IGIP: variants seen among roughly 807,000 people sequenced by gnomAD.
IGIP encodes the protein IgA inducing protein.
IGIP carries 1 observed loss-of-function variant against 3.2 expected under a neutral mutation model. The ratio of observed to expected loss-of-function variants is 0.32; its 90% CI spans 0.11 to 1.50. The LOEUF (loss-of-function observed/expected upper bound fraction) is 1.50. IGIP is among the 40% of genes most tolerant of loss of function. The pLI is 0.39. For synonymous variants in IGIP, 20 were observed against 22.7 expected (o/e 0.88, Z 0.34); for missense variants, 64 against 69.0 (o/e 0.93, Z 0.26).
rs2429310 is a variant in IGIP, at chr5:140,129,120, G to A, written c.*482G>A. 0.22 allele frequency: 33,503 copies of A among 152,116 alleles called. 4,130 individuals are homozygous for A. Among genetic ancestry groups the A allele is most frequent in the African/African-American group, 0.33 (13,589 of 41,432 alleles). The allele number at this position is 152,116 out of a possible 1,614,324, so 9.4% of individuals were successfully genotyped here. ...CCTAGCCATCATGTTGAAGAGAAGG[G>A]AAACCTTTTCCCAAAGATCATGCTC... On this transcript the variant is annotated 3_prime_UTR_variant, in exon 1 of 1. Transcript: ENST00000333305.
At position 140,126,592 on chromosome 5, in the gene IGIP, A is replaced by G. The variant is rs1380171901; in HGVS notation, c.-1885A>G. 1 of 167,088 alleles carries G rather than the reference A, an allele frequency of 6.0e-6. No individual in the cohort carries two copies. Among genetic ancestry groups the G allele is most frequent in the Non-Finnish European group, 1.5e-5 (1 of 68,124 alleles). 10.4% of individuals were successfully genotyped at this position (167,088 alleles called of 1,614,324 possible). On this transcript the variant is annotated 5_prime_UTR_variant, in exon 1 of 1. Transcript: ENST00000333305. ...TCCAACTCCTCTAAGGTTCTGACAAAATAACCTTGGCTGATGTGGGAAGAC... is the reference window on the plus strand; with the variant it reads ...TCCAACTCCTCTAAGGTTCTGACAAGATAACCTTGGCTGATGTGGGAAGAC...
chr5:140,126,996 G>A lies in IGIP; in HGVS notation c.-1481G>A, dbSNP rs1703207411. The A allele has an allele frequency of 6.0e-6, 1 of 167,040 alleles. No homozygotes were observed. 10.3% of individuals were successfully genotyped at this position (167,040 alleles called of 1,614,324 possible). On this transcript the variant is annotated 5_prime_UTR_variant, in exon 1 of 1. Transcript: ENST00000333305. The stretch of plus-strand genomic sequence containing the variant: ...CAGAGCACACATCCTAATCGCTAGC[G>A]GTACTCAGAGAGGGGGTGCTAACTC...
At position 140,126,741 on chromosome 5, in the gene IGIP, C is replaced by T. The variant is rs1763218232; in HGVS notation, c.-1736C>T. 1 of 167,048 alleles carries T rather than the reference C, an allele frequency of 6.0e-6. No individual in the cohort carries two copies. The highest frequency in any genetic ancestry group is 2.1e-4 in the South Asian group (1 of 4,828). The allele number at this position is 167,048 out of a possible 1,614,324, so 10.3% of individuals were successfully genotyped here. A position where few individuals can be genotyped will look rare whatever the true frequency, so the allele number is the denominator to read the frequency against. ...TCAATCCCAGATACCTGTTGATTAC[C>T]TGTGAGATCTAGAGTCCAAAGTAGC... On this transcript the variant is annotated 5_prime_UTR_variant, in exon 1 of 1. Transcript: ENST00000333305.
chr5:140,128,569 A>C lies in IGIP; in HGVS notation c.93A>C (p.Lys31Asn), dbSNP rs75647802. Residue 31 changes from lysine (K) to asparagine (N), a missense_variant, in exon 1 of 1, where the codon AAA becomes AAC. Transcript: ENST00000333305. ...TGTTCTCCCATCTCAGTGCTGGGAA[A>C]TCACCATGTGGAAACCAAGCAAACG... is the stretch of plus-strand genomic sequence containing the variant. ...AVMFSHLSAG[K>N]SPCGNQANVL... 1.3e-3 allele frequency: 2,139 copies of C among 1,611,370 alleles called. 17 individuals carry two copies. In the African/African-American group the frequency reaches 0.021, roughly 16 times the overall value.
Position 140,128,626 on chromosome 5 carries a change from A to G in IGIP, c.150A>G (p.Gln50=), listed in dbSNP as rs188052223. ...VLCISRLEFV[Q]YQS ...GCATCAGCCGGCTTGAGTTTGTTCA[A>G]TATCAAAGCTGAAAACTAGCGAGGT... Residue 50 remains glutamine (Q), a synonymous_variant, in exon 1 of 1, where the codon CAA becomes CAG. Coordinates refer to ENST00000333305, the MANE Select transcript of IGIP (RefSeq NM_001007189.2). 32 of 1,610,632 alleles carry G rather than the reference A, an allele frequency of 2.0e-5. No homozygotes were observed. The highest frequency in any genetic ancestry group is 1.7e-4 in the Middle Eastern group (1 of 6,056).
rs2126754580 is a variant in IGIP at position 140,127,269 on chromosome 5, T to A, written c.-1208T>A. 6.0e-6 allele frequency: 1 copy of A among 167,306 alleles called. No individual in the cohort carries two copies. Among genetic ancestry groups the A allele is most frequent in the East Asian group, 1.9e-4 (1 of 5,192 alleles). 10.4% of individuals were successfully genotyped at this position (167,306 alleles called of 1,614,324 possible). On this transcript the variant is annotated 5_prime_UTR_variant, in exon 1 of 1. Transcript: ENST00000333305. ...GTCAGAGCACTGTGTGGTTGGAGGG[T>A]GGACTCTTGTGATGCTGTGGGGATG...
chr5:140,128,103 G>A lies in IGIP; in HGVS notation c.-374G>A, dbSNP rs2126754864. 5.2e-6 allele frequency: 1 copy of A among 192,540 alleles called. No individual in the cohort carries two copies. The highest frequency in any genetic ancestry group is 1.3e-4 in the South Asian group (1 of 7,872). The allele number at this position is 192,540 out of a possible 1,614,324, so 11.9% of individuals were successfully genotyped here. ...AATATACAGTTTGTATTTGTCTGCTGTGAATCATAATCTTGAAATTTCTAA... is the reference window on the plus strand; with the variant it reads ...AATATACAGTTTGTATTTGTCTGCTATGAATCATAATCTTGAAATTTCTAA... On this transcript the variant is annotated 5_prime_UTR_variant, in exon 1 of 1. The change creates a new upstream start codon in the 5' untranslated region. Transcript: ENST00000333305.
At position 140,128,875 on chromosome 5, in the gene IGIP, T is replaced by C. The variant is rs778774890; in HGVS notation, c.*237T>C. The C allele has an allele frequency of 4.7e-6, 2 of 430,046 alleles. No homozygotes were observed. Among genetic ancestry groups the C allele is most frequent in the Non-Finnish European group, 8.3e-6 (2 of 241,608 alleles). The allele number at this position is 430,046 out of a possible 1,614,324, so 26.6% of individuals were successfully genotyped here. On this transcript the variant is annotated 3_prime_UTR_variant, in exon 1 of 1. Transcript: ENST00000333305. ...GGGGTCTGGTTGCGATCTTGGATTT[T>C]TTTTTTTTTTGATAGGTGGAAACTT...
chr5:140,127,748 A>G lies in IGIP; in HGVS notation c.-729A>G, dbSNP rs1487011717. ...ATATTGTAAGATTGTAATACTGTCG[A>G]TATTTTATTAACCAACAAATGTTAA... On this transcript the variant is annotated 5_prime_UTR_variant, in exon 1 of 1. Transcript: ENST00000333305. The G allele has an allele frequency of 6.0e-6, 1 of 167,046 alleles. No individual in the cohort carries two copies. The highest frequency in any genetic ancestry group is 2.4e-5 in the African/African-American group (1 of 41,466). The allele number at this position is 167,046 out of a possible 1,614,324, so 10.3% of individuals were successfully genotyped here. A position where few individuals can be genotyped will look rare whatever the true frequency, so the allele number is the denominator to read the frequency against.
chr5:140,128,512 G>A lies in IGIP; in HGVS notation c.36G>A (p.Val12=). The A allele has an allele frequency of 1.9e-6, 3 of 1,605,756 alleles. No homozygotes were observed. The highest frequency in any genetic ancestry group is 2.5e-6 in the Non-Finnish European group (3 of 1,177,174). Residue 12 remains valine, a synonymous_variant, in exon 1 of 1, where the codon GTG becomes GTA. Transcript: ENST00000333305. The part of the protein sequence containing the change: ...CSYYHMKKRS[V]SGCNITIFAV... ...ATTATCACATGAAGAAACGCAGTGT[G>A]TCGGGCTGTAATATTACCATATTTG...
Position 140,128,374 on chromosome 5 carries a change from A to C in IGIP, c.-103A>C. The C allele has an allele frequency of 1.4e-6, 1 of 725,108 alleles. No individual in the cohort carries two copies. The allele number at this position is 725,108 out of a possible 1,614,324, so 44.9% of individuals were successfully genotyped here. ...GCCAATATACAGTTAGAATATCATT[A>C]ATTTGCACTGTTTGGGGACCCCATT... On this transcript the variant is annotated 5_prime_UTR_variant, in exon 1 of 1. Transcript: ENST00000333305.
In IGIP at chr5:140,128,384, G is replaced by T; in HGVS notation, c.-93G>T. The stretch of plus-strand genomic sequence containing the variant: ...AGTTAGAATATCATTAATTTGCACT[G>T]TTTGGGGACCCCATTTAAGAATGCT... On this transcript the variant is annotated 5_prime_UTR_variant, in exon 1 of 1. Transcript: ENST00000333305. The T allele has an allele frequency of 1.1e-6, 1 of 886,514 alleles. No homozygotes were observed. The highest frequency in any genetic ancestry group is 1.7e-6 in the Non-Finnish European group (1 of 573,918). The allele number at this position is 886,514 out of a possible 1,614,324, so 54.9% of individuals were successfully genotyped here.
In IGIP at chr5:140,128,290, AT is replaced by A; in HGVS notation, c.-184del. 2.0e-6 allele frequency: 1 copy of A among 502,064 alleles called. No individual in the cohort carries two copies. Among genetic ancestry groups the A allele is most frequent in the East Asian group, 3.6e-5 (1 of 27,408 alleles). The allele number at this position is 502,064 out of a possible 1,614,324, so 31.1% of individuals were successfully genotyped here. A position where few individuals can be genotyped will look rare whatever the true frequency, so the allele number is the denominator to read the frequency against. ...ATGGACCAGATGTATATTAGTTAAA[AT>A]TTAGGACTAAGTTGTTGATATTCTT... is the stretch of plus-strand genomic sequence containing the variant. On this transcript the variant is annotated 5_prime_UTR_variant, in exon 1 of 1. The change abolishes the stop of an existing upstream ORF in the 5' untranslated region. Transcript: ENST00000333305.
Position 140,128,727 on chromosome 5 carries a change from C to A in IGIP, c.*89C>A. On this transcript the variant is annotated 3_prime_UTR_variant, in exon 1 of 1. Transcript: ENST00000333305. The stretch of plus-strand genomic sequence containing the variant: ...ACAAAATATATACTGTAACAGTATA[C>A]TTTGTACAGATTTAAATTTTATTTG... 1 of 1,031,310 alleles carries A rather than the reference C, an allele frequency of 9.7e-7. No individual in the cohort carries two copies. Among genetic ancestry groups the A allele is most frequent in the Non-Finnish European group, 1.4e-6 (1 of 703,308 alleles). The allele number at this position is 1,031,310 out of a possible 1,614,324, so 63.9% of individuals were successfully genotyped here.
rs1763216991 is a variant in IGIP, at chr5:140,126,618, T to A, written c.-1859T>A. The A allele has an allele frequency of 6.0e-6, 1 of 167,098 alleles. No homozygotes were observed. Among genetic ancestry groups the A allele is most frequent in the African/African-American group, 2.4e-5 (1 of 41,460 alleles). 10.4% of individuals were successfully genotyped at this position (167,098 alleles called of 1,614,324 possible). On this transcript the variant is annotated 5_prime_UTR_variant, in exon 1 of 1. Coordinates refer to ENST00000333305, the MANE Select transcript of IGIP (RefSeq NM_001007189.2). Reference sequence around the variant, plus strand: ...ATAACCTTGGCTGATGTGGGAAGACTCCCACTTTGATTACTGACCTGACAG... The same window carrying A: ...ATAACCTTGGCTGATGTGGGAAGACACCCACTTTGATTACTGACCTGACAG...
In IGIP at chr5:140,128,548, C is replaced by T; in HGVS notation, c.72C>T (p.Phe24=). ...ATATTACCATATTTGCTGTCATGTTCTCCCATCTCAGTGCTGGGAAATCAC... is the reference window on the plus strand; with the variant it reads ...ATATTACCATATTTGCTGTCATGTTTTCCCATCTCAGTGCTGGGAAATCAC... ...GCNITIFAVM[F]SHLSAGKSPC... Residue 24 remains phenylalanine, a synonymous_variant, in exon 1 of 1, where the codon TTC becomes TTT. Transcript: ENST00000333305. The T allele has an allele frequency of 6.2e-7, 1 of 1,609,654 alleles. No individual in the cohort carries two copies.
In IGIP at chr5:140,128,664, T is replaced by G; in HGVS notation, c.*26T>G. On this transcript the variant is annotated 3_prime_UTR_variant, in exon 1 of 1. Coordinates refer to ENST00000333305, the MANE Select transcript of IGIP (RefSeq NM_001007189.2). Reference sequence around the variant, plus strand: ...AAACTAGCGAGGTCTGCTGTACTGCTTATTGAAGTATTGTGATTATTTTAG... The same window carrying G: ...AAACTAGCGAGGTCTGCTGTACTGCGTATTGAAGTATTGTGATTATTTTAG... 6.3e-7 allele frequency: 1 copy of G among 1,581,088 alleles called. No individual in the cohort carries two copies. Among genetic ancestry groups the G allele is most frequent in the Non-Finnish European group, 8.6e-7 (1 of 1,161,922 alleles).
rs749145355 is a variant in IGIP, at chr5:140,128,657, G to C, written c.*19G>C. 6.3e-7 allele frequency: 1 copy of C among 1,593,130 alleles called. No homozygotes were observed. On this transcript the variant is annotated 3_prime_UTR_variant, in exon 1 of 1. Transcript: ENST00000333305. Reference sequence around the variant, plus strand: ...AAGCTGAAAACTAGCGAGGTCTGCTGTACTGCTTATTGAAGTATTGTGATT... The same window carrying C: ...AAGCTGAAAACTAGCGAGGTCTGCTCTACTGCTTATTGAAGTATTGTGATT...
Position 140,127,674 on chromosome 5 carries a change from G to T in IGIP, c.-803G>T, listed in dbSNP as rs1342436144. ...AAACTGGAAGAAATTTTAAAAAAAG[G>T]AATCCTGCTGTGAAAGGTATATATT... On this transcript the variant is annotated 5_prime_UTR_variant, in exon 1 of 1. Coordinates refer to ENST00000333305, the MANE Select transcript of IGIP (RefSeq NM_001007189.2). The T allele has an allele frequency of 6.0e-6, 1 of 166,834 alleles. No individual in the cohort carries two copies. The highest frequency in any genetic ancestry group is 6.5e-5 in the Admixed American group (1 of 15,288). 10.3% of individuals were successfully genotyped at this position (166,834 alleles called of 1,614,324 possible). A position where few individuals can be genotyped will look rare whatever the true frequency, so the allele number is the denominator to read the frequency against.
Sources: gnomAD v4.1 joint callset for allele counts on GRCh38, gnomAD v4.1.1 for gene constraint, MANE v1.5 for transcripts, NCBI Gene and HGNC (gene_info 2026-07-23, HGNC 2026-07-21) for gene names.